Variants in NTRK3 observed in about 807,000 individuals in gnomAD.
The protein encoded by NTRK3 is neurotrophic receptor tyrosine kinase 3.
Under a neutral mutation model 91.7 loss-of-function variants are expected in NTRK3, and 24 were observed. The ratio of observed to expected loss-of-function variants is 0.26; its 90% CI spans 0.19 to 0.37. The LOEUF (loss-of-function observed/expected upper bound fraction) is 0.37, where lower values mean the gene tolerates loss of function less well. Ranked by LOEUF, NTRK3 falls within the 10% of genes least tolerant of loss-of-function variation. The pLI, the probability that NTRK3 is intolerant of heterozygous loss-of-function variation, is 1.00. For synonymous variants in NTRK3, 483 were observed against 404.0 expected, an observed-to-expected ratio of 1.20 and a Z score of -2.34; for missense variants, 880 against 1,068.9, an observed-to-expected ratio of 0.82 and a Z score of 2.46.
intron 6 of NTRK3, among the ~76,000 whole-genome samples, chr15:88,141,496 G>A (rs1456290769): frequency 6.6e-6 from 1 of 152,230 alleles, no homozygotes; most frequent in East Asian, 1.9e-4. Context: ...ATGACAAGGA[G>A]GGTCCAGATG....
intron 14 of NTRK3, among the ~76,000 whole-genome samples, chr15:87,977,164 G>C (rs569251194): frequency 1.3e-5 from 2 of 152,314 alleles, no homozygotes; most frequent in South Asian, 4.1e-4. Flanking sequence ...GCACTTTACT[G>C]TATGAGCCTA....
At chr15:87,987,830 T>A (rs2141449189) in intron 14 of NTRK3, among the ~76,000 whole-genome samples, 1 of 151,886 alleles carries the variant, frequency 6.6e-6, no homozygotes, top group South Asian at 2.1e-4. Flanking sequence ...GTGGCCGAGA[T>A]CGTGACACTG....
intron 13 of NTRK3, among the ~76,000 whole-genome samples, chr15:88,056,627 GA>G (rs1448165140): frequency 2.0e-5 from 3 of 152,210 alleles, no homozygotes; most frequent in Non-Finnish European, 4.4e-5. Flanking sequence ...CATTTTCACA[GA>G]AATGTGCTGC....
At chr15:88,107,758 A>G (rs1163271673) in intron 13 of NTRK3, among the ~76,000 whole-genome samples, 1 of 152,138 alleles carries the variant, frequency 6.6e-6, no homozygotes, top group East Asian at 1.9e-4. Flanking sequence ...GGGAATAGCA[A>G]CATAAAAATA....
At chr15:87,868,292 A>G (rs2064742098) in exon 19 of NTRK3, 1 of 228,198 alleles carries the variant, frequency 4.4e-6, no homozygotes, top group East Asian at 6.3e-5. Flanking sequence ...GCTTTTAAAT[A>G]AAGTCATCAA....
intron 13 of NTRK3, among the ~76,000 whole-genome samples, chr15:88,046,131 T>A (rs182259245): frequency 6.6e-6 from 1 of 152,204 alleles, no homozygotes; most frequent in Non-Finnish European, 1.5e-5. Flanking sequence ...AGGATGGTGA[T>A]AGATGTGGAG....
chr15:88,118,394 G>A (rs1272354439), intron 13 of NTRK3, among the ~76,000 whole-genome samples: 1 of 152,124 alleles, frequency 6.6e-6, no homozygotes, highest in East Asian at 1.9e-4. Context: ...GGGGTCTGTT[G>A]GAGCAGTTTC....
chr15:87,993,537 T>C (rs2075443656), intron 14 of NTRK3, among the ~76,000 whole-genome samples: 1 of 152,154 alleles, frequency 6.6e-6, no homozygotes, highest in African/African-American at 2.4e-5. Context: ...TGGGTCCTTT[T>C]TAATTTGATG....
intron 3 of NTRK3, among the ~76,000 whole-genome samples, chr15:88,189,000 C>G (rs934064157): frequency 5.3e-5 from 8 of 152,252 alleles, no homozygotes; most frequent in Non-Finnish European, 1.0e-4. Context: ...AGCCACTACT[C>G]TGCCAAGAGC....
At chr15:88,149,378 C>T (rs1373890919) in intron 5 of NTRK3, among the ~76,000 whole-genome samples, 1 of 152,164 alleles carries the variant, frequency 6.6e-6, no homozygotes, top group Non-Finnish European at 1.5e-5. Flanking sequence ...TACTGTTCTG[C>T]TGTCTTCCCT....
At chr15:88,147,490 G>C in intron 5 of NTRK3, 87 bp from the exon 6 acceptor site, 1 of 1,105,632 alleles carries the variant, frequency 9.0e-7, no homozygotes, top group Non-Finnish European at 1.4e-6. Context: ...TTTCACTGGA[G>C]CCTGGCTTTG....
intron 3 of NTRK3, among the ~76,000 whole-genome samples, chr15:88,203,863 G>A (rs2048504241): frequency 6.6e-6 from 1 of 152,054 alleles, no homozygotes; most frequent in African/African-American, 2.4e-5. Flanking sequence ...AAAAAGCAAA[G>A]ATAATTTTTT....
At chr15:88,195,262 CT>C (rs2047720146) in intron 3 of NTRK3, among the ~76,000 whole-genome samples, 2 of 152,186 alleles carry the variant, frequency 1.3e-5, no homozygotes, top group Admixed American at 1.3e-4. Flanking sequence ...ACCAAAACCT[CT>C]GATTATGTCA....
chr15:88,128,884 C>G lies in NTRK3; in HGVS notation c.1205-150G>C, dbSNP rs968409381. 3.9e-5 allele frequency: 29 copies of G among 741,120 alleles called. No homozygotes were observed. In the African/African-American group the frequency reaches 4.6e-4, roughly 12 times the overall value. 45.9% of individuals were successfully genotyped at this position (741,120 alleles called of 1,614,324 possible). A position where few individuals can be genotyped will look rare whatever the true frequency, so the allele number is the denominator to read the frequency against. Reference sequence around the variant, plus strand: ...AAACTAAAATGCATGGCACATCACCCGTCTCCCCATGCTACACTACCAGTT... The same window carrying G: ...AAACTAAAATGCATGGCACATCACCGGTCTCCCCATGCTACACTACCAGTT... On this transcript the variant is annotated intron_variant, in intron 10 of 18. Coordinates refer to ENST00000394480, the Ensembl canonical transcript of NTRK3.
intron 17 of NTRK3, among the ~76,000 whole-genome samples, chr15:87,914,367 G>C (rs1000909487): frequency 4.6e-5 from 7 of 152,200 alleles, no homozygotes; most frequent in African/African-American, 1.7e-4. Flanking sequence ...ATCAGATCCA[G>C]CTGGCTTTCC....
At position 88,094,826 on chromosome 15, in the gene NTRK3, T is replaced by A. The variant is rs143172954; in HGVS notation, c.1396+31445A>T. ...AATGACTTAGACAGTGGGAAGAATATGGCTCAGTGTTTCCTGTTGCTGTCA... is the reference window on the plus strand; with the variant it reads ...AATGACTTAGACAGTGGGAAGAATAAGGCTCAGTGTTTCCTGTTGCTGTCA... On this transcript the variant is annotated intron_variant, in intron 13 of 18. Transcript: ENST00000394480. 6.4e-3 allele frequency among the ~76,000 whole-genome samples: 978 copies of A among 152,356 alleles called. 14 individuals are homozygous for A. Among genetic ancestry groups the A allele is most frequent in the African/African-American group, 0.022 (925 of 41,580 alleles).
At chr15:88,019,599 AG>A (rs2077467927) in intron 14 of NTRK3, among the ~76,000 whole-genome samples, 1 of 152,188 alleles carries the variant, frequency 6.6e-6, no homozygotes, top group Non-Finnish European at 1.5e-5. Context: ...CTTTGGGAAA[AG>A]CTTTCTCAGT....
chr15:88,164,912 C>G (rs1486081528), intron 5 of NTRK3, among the ~76,000 whole-genome samples: 1 of 152,174 alleles, frequency 6.6e-6, no homozygotes, highest in Admixed American at 6.5e-5. Flanking sequence ...CATGCCTACA[C>G]CCCATGGCCT....
At chr15:88,106,064 G>A (rs1471539465) in intron 13 of NTRK3, among the ~76,000 whole-genome samples, 1 of 152,216 alleles carries the variant, frequency 6.6e-6, no homozygotes, top group East Asian at 1.9e-4. Context: ...TATGTTCAAG[G>A]ATTCTGTTGT....
Sources: allele counts gnomAD v4.1 joint callset (sites outside exome capture counted in the v4.1 genomes callset), GRCh38; gene constraint gnomAD v4.1.1; transcripts MANE v1.5; gene names NCBI Gene and HGNC (gene_info 2026-07-23, HGNC 2026-07-21).